TMEM132E: variants seen among roughly 807,000 people sequenced by gnomAD.
TMEM132E encodes the protein transmembrane protein 132E.
TMEM132E carries 49 observed loss-of-function variants against 78.5 expected under a neutral mutation model. That is an observed-to-expected ratio of 0.62 (90% CI 0.50 to 0.79). The LOEUF (loss-of-function observed/expected upper bound fraction) is 0.79. Ranked by LOEUF, TMEM132E falls within the 30% of genes least tolerant of loss-of-function variation. TMEM132E has a pLI of 0.00. For synonymous variants in TMEM132E, 715 were observed against 670.6 expected, an observed-to-expected ratio of 1.07 and a Z score of -1.02; for missense variants, 1,403 against 1,470.9, an observed-to-expected ratio of 0.95 and a Z score of 0.75.
rs1368174707 is a variant in TMEM132E at position 34,582,206 on chromosome 17, A to C, written c.67+1063A>C. On this transcript the variant is annotated intron_variant, in intron 1 of 8. Coordinates refer to ENST00000631683, the MANE Select transcript of TMEM132E (RefSeq NM_001304438.2). ...CCACGCTGAGGGGTGAGCCTCAGGC[A>C]GAATGGAGGGCGCTTAGATGGAGGG... 2.0e-5 allele frequency among the ~76,000 whole-genome samples: 3 copies of C among 151,354 alleles called. No individual in the cohort carries two copies. The East Asian group carries it at 5.9e-4, about 30-fold the overall frequency.
chr17:34,604,951 G>A (rs1367442363), intron 1 of TMEM132E, among the ~76,000 whole-genome samples: 1 of 152,186 alleles, frequency 6.6e-6, no homozygotes, highest in Non-Finnish European at 1.5e-5. Flanking sequence ...TCACACAGCT[G>A]GAAAGAGGCT....
chr17:34,638,354 C>G lies in TMEM132E; in HGVS notation c.*122C>G, dbSNP rs1308351983. On this transcript the variant is annotated 3_prime_UTR_variant, in exon 9 of 9. Transcript: ENST00000631683. ...TGAATTGATTTTGTACTCCCTGCCC[C>G]TGCAGCTTGGCTCCGTGCGGAGCGG... The G allele has an allele frequency of 2.7e-6, 3 of 1,128,320 alleles. No homozygotes were observed. Among genetic ancestry groups the G allele is most frequent in the Non-Finnish European group, 3.7e-6 (3 of 818,040 alleles). The allele number at this position is 1,128,320 out of a possible 1,614,324, so 69.9% of individuals were successfully genotyped here. A position where few individuals can be genotyped will look rare whatever the true frequency, so the allele number is the denominator to read the frequency against.
At chr17:34,585,310 G>A (rs1204909434) in intron 1 of TMEM132E, among the ~76,000 whole-genome samples, 1 of 152,194 alleles carries the variant, frequency 6.6e-6, no homozygotes, top group Non-Finnish European at 1.5e-5. Context: ...CCTTGCCGGG[G>A]GCCTGTCTGG....
chr17:34,627,506 T>TGTGTGTGTGTGTGTGTG (rs1907200173), intron 2 of TMEM132E, among the ~76,000 whole-genome samples: 2 of 27,920 alleles, frequency 7.2e-5, no homozygotes, highest in Non-Finnish European at 1.9e-4. Context: ...GTGTGTGTGT[T>TGTGTGTGTGTGTGTGTG]TTGGGACATT....
chr17:34,626,322 C>A lies in TMEM132E; in HGVS notation c.263C>A (p.Pro88Gln). 1 of 1,612,404 alleles carries A rather than the reference C, an allele frequency of 6.2e-7. No homozygotes were observed. The highest frequency in any genetic ancestry group is 8.5e-7 in the Non-Finnish European group (1 of 1,179,406). Residue 88 changes from proline to glutamine, a missense_variant, in exon 2 of 9, where the codon CCG becomes CAG. Pro to Gln is a moderately conservative substitution (Grantham distance 76, BLOSUM62 -1). Around this residue, in one of 3 missense-constraint regions of TMEM132E, gnomAD observed 511 missense variants for 499.0 expected, o/e 1.02. Transcript: ENST00000631683. The part of the protein sequence containing the change: ...PFVVFQTKEL[P>Q]VLNVSLGPFS... ...GTGGTGTTCCAGACCAAGGAGCTGC[C>A]GGTCCTCAACGTCTCTCTGGGGCCC...
At chr17:34,632,002 C>A (rs1302135427) in intron 5 of TMEM132E, among the ~76,000 whole-genome samples, 2 of 152,214 alleles carry the variant, frequency 1.3e-5, no homozygotes, top group East Asian at 3.8e-4. Flanking sequence ...GGTTTCCATC[C>A]AGGGAACCTC....
intron 1 of TMEM132E, among the ~76,000 whole-genome samples, chr17:34,593,378 G>A (rs1377573622): frequency 6.6e-6 from 1 of 152,214 alleles, no homozygotes; most frequent in East Asian, 1.9e-4. Flanking sequence ...CTTGCCAGCA[G>A]CATATCTTCA....
At chr17:34,613,199 A>ACACC (rs1906657480) in intron 1 of TMEM132E, among the ~76,000 whole-genome samples, 1 of 110,256 alleles carries the variant, frequency 9.1e-6, no homozygotes, top group African/African-American at 3.2e-5. Context: ...ACACACACCC[A>ACACC]CACACACACA....
At chr17:34,630,726 G>A (rs1040302718) in intron 5 of TMEM132E, among the ~76,000 whole-genome samples, 15 of 152,048 alleles carry the variant, frequency 9.9e-5, no homozygotes, top group East Asian at 1.9e-4. Context: ...CCCCACTCCC[G>A]GCACACACGC....
At chr17:34,629,306 ATG>A in intron 4 of TMEM132E, 102 bp downstream of exon 4, 1 of 1,258,304 alleles carries the variant, frequency 7.9e-7, no homozygotes, top group Non-Finnish European at 1.1e-6. Context: ...ACAAATTGAC[ATG>A]TGTGTATATG....
At chr17:34,616,980 G>A (rs1156831528) in intron 1 of TMEM132E, among the ~76,000 whole-genome samples, 1 of 152,230 alleles carries the variant, frequency 6.6e-6, no homozygotes, top group Non-Finnish European at 1.5e-5. Context: ...TCCTTGAGCT[G>A]TGCATCTTTG....
At position 34,629,162 on chromosome 17, in the gene TMEM132E, G is replaced by A. The variant is rs774833623; in HGVS notation, c.1296G>A (p.Thr432=). Residue 432 remains threonine (T), a synonymous_variant, in exon 4 of 9, where the codon ACG becomes ACA. Coordinates refer to ENST00000631683, the MANE Select transcript of TMEM132E (RefSeq NM_001304438.2). ...TGGAGCGGGCAGTCACTGAGCTGAC[G>A]GTCATTCAGCGGGATGTGCAAGCCA... is the stretch of plus-strand genomic sequence containing the variant. ...PDLERAVTEL[T]VIQRDVQAIL... is the part of the protein sequence containing the mutation. 87 of 1,614,130 alleles carry A rather than the reference G, an allele frequency of 5.4e-5. 2 individuals are homozygous for A. Among genetic ancestry groups the A allele is most frequent in the East Asian group, 6.7e-5 (3 of 44,878 alleles).
At chr17:34,635,846 G>A in intron 7 of TMEM132E, 161 bp from the exon 8 acceptor site, 2 of 593,404 alleles carry the variant, frequency 3.4e-6, no homozygotes, top group Non-Finnish European at 5.1e-6. Flanking sequence ...ACTGGTTCCT[G>A]GTTGCAGACC....
intron 2 of TMEM132E, 81 bp from the exon 3 acceptor site, chr17:34,628,482 C>T: frequency 1.9e-6 from 3 of 1,542,572 alleles, no homozygotes; most frequent in African/African-American, 1.4e-5. Flanking sequence ...CCCCCCAGTA[C>T]AGTCTAGTGA....
At chr17:34,616,388 G>A (rs1567716880) in intron 1 of TMEM132E, among the ~76,000 whole-genome samples, 1 of 152,186 alleles carries the variant, frequency 6.6e-6, no homozygotes, top group South Asian at 2.1e-4. Context: ...AGCCATCTGG[G>A]GGCTGCTAGC....
rs574825616 is a variant in TMEM132E at position 34,601,768 on chromosome 17, G to A, written c.67+20625G>A. ...AAGGAGGCAGTCTCCTGGCTACAGG[G>A]CTACCTCTCCCTTCCCCACCCCAAA... is the stretch of plus-strand genomic sequence containing the variant. On this transcript the variant is annotated intron_variant, in intron 1 of 8. Transcript: ENST00000631683. Among the ~76,000 whole-genome samples, 3 of 152,302 alleles carry A rather than the reference G, an allele frequency of 2.0e-5. No homozygotes were observed. In the East Asian group the frequency reaches 5.8e-4, roughly 29 times the overall value.
chr17:34,627,393 C>T (rs1907187315), intron 2 of TMEM132E, among the ~76,000 whole-genome samples: 1 of 151,460 alleles, frequency 6.6e-6, no homozygotes, highest in African/African-American at 2.4e-5. Context: ...AGACATTTTA[C>T]AGACAAGGAG....
chr17:34,582,811 G>A (rs1446158425), intron 1 of TMEM132E, among the ~76,000 whole-genome samples: 1 of 152,152 alleles, frequency 6.6e-6, no homozygotes, highest in East Asian at 1.9e-4. Flanking sequence ...CCAGGCCTGA[G>A]TCTAGGTGGG....
chr17:34,636,299 T>C, intron 8 of TMEM132E, 101 bp downstream of exon 8: 2 of 1,174,326 alleles, frequency 1.7e-6, no homozygotes, highest in Non-Finnish European at 2.2e-6. Context: ...ATATTAGGGC[T>C]TTAGGAAATG....
Sources: gnomAD v4.1 joint callset for allele counts (sites outside exome capture counted in the v4.1 genomes callset) on GRCh38, gnomAD v4.1.1 for gene constraint, gnomAD v4.1.1 regional missense constraint, MANE v1.5 for transcripts, NCBI Gene and HGNC (gene_info 2026-07-23, HGNC 2026-07-21) for gene names.